DEAF1: variants seen among roughly 807,000 people sequenced by gnomAD.
The protein encoded by DEAF1 is DEAF1 transcription factor, also known as deformed epidermal autoregulatory factor 1 homolog.
Under a neutral mutation model 58.9 loss-of-function variants are expected in DEAF1, and 53 were observed. That is an observed-to-expected ratio of 0.90 (90% CI 0.72 to 1.13). The LOEUF (loss-of-function observed/expected upper bound fraction) is 1.13, where lower values mean the gene tolerates loss of function less well. DEAF1 is among the 50% of genes most tolerant of loss of function. The pLI, the probability that DEAF1 is intolerant of heterozygous loss-of-function variation, is 0.00. For synonymous variants in DEAF1, 385 were observed against 340.4 expected (o/e 1.13, Z -1.44); for missense variants, 685 against 791.4 (o/e 0.87, Z 1.61).
Position 644,579 on chromosome 11 carries a change from C to A in DEAF1, c.1669G>T (p.Glu557Ter). 6.2e-7 allele frequency: 1 copy of A among 1,613,158 alleles called. No individual in the cohort carries two copies. Among genetic ancestry groups the A allele is most frequent in the Non-Finnish European group, 8.5e-7 (1 of 1,179,968 alleles). ...ACGGTCACCTTCTCCATCACGCTTT[C>A]AGCCACGTGGACTTCGTCTGCCTGG... is the stretch of plus-strand genomic sequence containing the variant. ...TVQADEVHVAESVMEKVTV is the reference protein window; with the variant it reads ...TVQADEVHVA Residue 557 changes from glutamate to a stop codon, truncating the protein, a stop_gained, in exon 12 of 12, where the codon GAA becomes TAA. Transcript: ENST00000382409. LOFTEE classifies it high-confidence loss of function. This position sits in a 1 kb window ranked among gnomAD's most constrained non-coding sequence, Gnocchi z 4.3.
exon 1 of DEAF1, among the ~76,000 whole-genome samples, chr11:707,029 A>T (rs963705506): frequency 6.6e-6 from 1 of 151,718 alleles, no homozygotes; most frequent in South Asian, 2.1e-4. Context: ...AGGGCCGGGC[A>T]TGCCCGGACC....
intron 1 of DEAF1, chr11:703,658 G>T (rs1861600053): frequency 2.4e-6 from 3 of 1,232,526 alleles, no homozygotes; most frequent in South Asian, 8.2e-5. Context: ...TAGGCCTTGT[G>T]CTCTGAGCAA....
chr11:685,303 C>T (rs1213207682), intron 5 of DEAF1, among the ~76,000 whole-genome samples: 1 of 152,026 alleles, frequency 6.6e-6, no homozygotes, highest in African/African-American at 2.4e-5. Flanking sequence ...AGGCTGGTCT[C>T]GAACTCCTGG....
At chr11:662,977 G>A (rs987772205) in intron 10 of DEAF1, among the ~76,000 whole-genome samples, 3 of 152,212 alleles carry the variant, frequency 2.0e-5, no homozygotes, top group African/African-American at 4.8e-5. Flanking sequence ...GAGCACAACC[G>A]CTGTCCTGAT....
rs532628897 is a variant in DEAF1, at chr11:666,873, C to CAAAAAAAAAAAAAAA, written c.1503+7648_1503+7662dup. ...AGCCTGGAGAGCAAGACTCTGTCTCCAAAAAAAAAAAAAAAAAAAAAAAAG... is the reference window on the plus strand; with the variant it reads ...AGCCTGGAGAGCAAGACTCTGTCTCCAAAAAAAAAAAAAAAAAAAAAAAAAAAAAAAAAAAAAAAG... On this transcript the variant is annotated intron_variant, in intron 10 of 11. Coordinates refer to ENST00000382409, the MANE Select transcript of DEAF1 (RefSeq NM_021008.4). Among the ~76,000 whole-genome samples, 60 of 60,192 alleles carry CAAAAAAAAAAAAAAA rather than the reference C, an allele frequency of 1.0e-3. 1 individual carries two copies. Among genetic ancestry groups the CAAAAAAAAAAAAAAA allele is most frequent in the Non-Finnish European group, 1.2e-3 (39 of 32,684 alleles). 39.5% of individuals were successfully genotyped at this position (60,192 alleles called of 152,430 possible).
intron 1 of DEAF1, among the ~76,000 whole-genome samples, chr11:692,055 A>T (rs1860859583): frequency 6.6e-6 from 1 of 152,118 alleles, no homozygotes; most frequent in Non-Finnish European, 1.5e-5. Context: ...CGCAGGGGTC[A>T]GGCCACCATC....
chr11:692,486 G>A (rs1590022947), intron 1 of DEAF1: 1 of 153,166 alleles, frequency 6.5e-6, no homozygotes, highest in Non-Finnish European at 1.5e-5. Context: ...GCACACAGCA[G>A]ATGCTTAAAA....
At chr11:691,345 G>A (rs1463466747) in intron 2 of DEAF1, among the ~76,000 whole-genome samples, 156 bp downstream of exon 2, 3 of 152,218 alleles carry the variant, frequency 2.0e-5, no homozygotes, top group African/African-American at 7.2e-5. Flanking sequence ...AGCACAGCCC[G>A]AAGGCCTCTG....
At chr11:680,767 G>A (rs1458993713) in intron 7 of DEAF1, among the ~76,000 whole-genome samples, 196 bp downstream of exon 7, 1 of 152,244 alleles carries the variant, frequency 6.6e-6, no homozygotes, top group East Asian at 1.9e-4. Flanking sequence ...AGGGAAGCAA[G>A]ACCGAGCTGG....
upstream of DEAF1, among the ~76,000 whole-genome samples, chr11:697,136 C>T (rs942254622): frequency 1.2e-4 from 16 of 131,656 alleles, no homozygotes; most frequent in African/African-American, 4.4e-4. Flanking sequence ...AGCCTGTGGT[C>T]CCAGCTACGT....
At chr11:646,997 AAAT>A (rs1858526812) in intron 11 of DEAF1, among the ~76,000 whole-genome samples, 1 of 152,118 alleles carries the variant, frequency 6.6e-6, no homozygotes, top group Admixed American at 6.6e-5. Flanking sequence ...AAAAAAAAAA[AAAT>A]GTTTTAAAAT....
chr11:647,107 G>A (rs1053750116), intron 11 of DEAF1, among the ~76,000 whole-genome samples: 1 of 152,190 alleles, frequency 6.6e-6, no homozygotes, highest in Admixed American at 6.5e-5. Context: ...GTAGTGAGCC[G>A]TGATGGCACC....
chr11:653,906 G>A (rs1858915798), intron 11 of DEAF1, 56 bp downstream of exon 11: 16 of 1,523,848 alleles, frequency 1.0e-5, no homozygotes, highest in Non-Finnish European at 1.5e-5. Flanking sequence ...CCACCCAGGG[G>A]TCTTCGTAGC....
chr11:676,033 C>CCCCCCAGCACCCGACAA (rs1860049858), intron 9 of DEAF1, among the ~76,000 whole-genome samples: 1 of 27,872 alleles, frequency 3.6e-5, no homozygotes, highest in Non-Finnish European at 7.7e-5. Flanking sequence ...GCACCCGACA[C>CCCCCCAGCACCCGACAA]CCCCCAGCAC....
intron 10 of DEAF1, among the ~76,000 whole-genome samples, chr11:656,525 G>A (rs1206189616): frequency 6.6e-6 from 1 of 152,254 alleles, no homozygotes; most frequent in East Asian, 1.9e-4. Flanking sequence ...AGCTTCTGCA[G>A]GCTTTATTAA....
In DEAF1 at chr11:680,981, C is replaced by A. The variant is rs574194648; in HGVS notation, c.979G>T (p.Ala327Ser). ...DSPKNITLLP[A>S]TAATTFTVTP... ...AACTCACAGGTGGTAGCCGCGGTGG[C>A]TGGAAGCAATGTGATGTTCTTGGGG... Residue 327 changes from alanine to serine, a missense_variant, in exon 7 of 12, where the codon GCC becomes TCC. Physicochemically the swap from Ala to Ser is moderately conservative, Grantham distance 99. Transcript: ENST00000382409. 1.2e-6 allele frequency: 2 copies of A among 1,614,018 alleles called. No individual in the cohort carries two copies. Among genetic ancestry groups the A allele is most frequent in the African/African-American group, 2.7e-5 (2 of 74,912 alleles).
At chr11:660,891 G>A (rs971675642) in intron 10 of DEAF1, among the ~76,000 whole-genome samples, 18 of 149,512 alleles carry the variant, frequency 1.2e-4, no homozygotes, top group East Asian at 3.9e-4. Flanking sequence ...GCGGCCTTAC[G>A]GTGTTGGGAG....
intron 11 of DEAF1, among the ~76,000 whole-genome samples, chr11:653,100 A>G (rs1175648687): frequency 6.6e-6 from 1 of 151,180 alleles, no homozygotes; most frequent in Non-Finnish European, 1.5e-5. Context: ...AAAAAAAAAA[A>G]AAAAAAAAAA....
chr11:695,956 G>C (rs1861126954), upstream of DEAF1: 5 of 850,758 alleles, frequency 5.9e-6, no homozygotes, highest in South Asian at 2.4e-4. Flanking sequence ...CCGTGCCACC[G>C]TCTCTACGTG....
Sources: allele counts gnomAD v4.1 joint callset (sites outside exome capture counted in the v4.1 genomes callset), GRCh38; gene constraint gnomAD v4.1.1; non-coding constraint Gnocchi (gnomAD v3.1); transcripts MANE v1.5; gene names NCBI Gene and HGNC (gene_info 2026-07-23, HGNC 2026-07-21).